FRMD4A: variants seen among roughly 807,000 people sequenced by gnomAD.
FRMD4A encodes FERM domain-containing protein 4A.
FRMD4A carries 29 observed loss-of-function variants against 129.1 expected under a neutral mutation model. That is an observed-to-expected ratio of 0.22 (90% confidence interval 0.17 to 0.31). The LOEUF (loss-of-function observed/expected upper bound fraction) is 0.31, where lower values mean the gene tolerates loss of function less well. Ranked by LOEUF, FRMD4A falls within the 10% of genes least tolerant of loss-of-function variation. The pLI is 1.00. For missense variants in FRMD4A, 1,272 were observed against 1,375.8 expected (o/e 0.92, Z 1.19); for synonymous variants, 634 against 571.6 (o/e 1.11, Z -1.56).
chr10:13,670,419 A>G lies in FRMD4A; in HGVS notation c.1361T>C (p.Leu454Pro). The G allele has an allele frequency of 2.5e-6, 4 of 1,613,336 alleles. No homozygotes were observed. The highest frequency in any genetic ancestry group is 3.4e-6 in the Non-Finnish European group (4 of 1,179,494). ...TAFKLDEQKI[L>P]PKGEEAELER... ...GGAAGGACGCACCTCTCCTTTGGGC[A>G]GGATTTTCTGTTCATCCAGTTTGAA... Residue 454 changes from leucine (L) to proline (P), a missense_variant, in exon 17 of 25, where the codon CTG becomes CCG. Leu to Pro is a moderately conservative substitution (Grantham distance 98). This residue lies in a region of FRMD4A where 972 missense variants were observed against 892.3 expected (regional missense o/e 1.09). Coordinates refer to ENST00000357447, the MANE Select transcript of FRMD4A (RefSeq NM_018027.5).
chr10:13,875,140 C>A (rs895349438), intron 2 of FRMD4A, among the ~76,000 whole-genome samples: 1 of 152,100 alleles, frequency 6.6e-6, no homozygotes, highest in Non-Finnish European at 1.5e-5. Flanking sequence ...TGAAGGACAC[C>A]GTGGCGGATG....
chr10:14,197,087 C>G (rs1335871646), intron 2 of FRMD4A, among the ~76,000 whole-genome samples: 2 of 152,152 alleles, frequency 1.3e-5, no homozygotes, highest in Non-Finnish European at 2.9e-5. Context: ...TAAGCCAGCT[C>G]AGAAAGCTGC....
intron 2 of FRMD4A, among the ~76,000 whole-genome samples, chr10:13,873,586 G>A (rs1379628626): frequency 2.0e-5 from 3 of 152,014 alleles, no homozygotes; most frequent in East Asian, 3.9e-4. Context: ...TCGCTCTTTC[G>A]CCCAGGCTGG....
chr10:13,833,296 G>C (rs980536065), intron 3 of FRMD4A, among the ~76,000 whole-genome samples: 4 of 152,196 alleles, frequency 2.6e-5, no homozygotes, highest in African/African-American at 9.7e-5. Context: ...GCAGGCAAGA[G>C]AGAGCTTGTG....
At chr10:14,118,681 G>A (rs986859169) in intron 2 of FRMD4A, among the ~76,000 whole-genome samples, 6 of 152,252 alleles carry the variant, frequency 3.9e-5, no homozygotes, top group East Asian at 1.9e-4. Context: ...CACAGTGGCC[G>A]GCAAGAGAGC....
intron 4 of FRMD4A, among the ~76,000 whole-genome samples, chr10:13,807,800 CT>C (rs11388392): frequency 0.33 from 46,631 of 142,090 alleles, 7,907 homozygotes; most frequent in Non-Finnish European, 0.42. Flanking sequence ...TTTAGAAATT[CT>C]TTTTTTTTTT....
chr10:14,174,924 C>T (rs538377555), intron 2 of FRMD4A, among the ~76,000 whole-genome samples: 182 of 139,538 alleles, frequency 1.3e-3, no homozygotes, highest in South Asian at 2.2e-3. Context: ...TGTGTGGACG[C>T]GCGCGTACGG....
At chr10:13,851,751 T>C (rs1424449492) in intron 3 of FRMD4A, among the ~76,000 whole-genome samples, 1 of 151,722 alleles carries the variant, frequency 6.6e-6, no homozygotes. Context: ...AATACAAAAA[T>C]TAGTTGGGTG....
intron 2 of FRMD4A, among the ~76,000 whole-genome samples, chr10:14,094,995 C>T (rs1248511982): frequency 6.6e-6 from 1 of 151,992 alleles, no homozygotes; most frequent in Non-Finnish European, 1.5e-5. Context: ...TCCATACATC[C>T]ATATGCATGG....
At chr10:13,844,286 T>G (rs577511432) in intron 3 of FRMD4A, among the ~76,000 whole-genome samples, 1 of 152,256 alleles carries the variant, frequency 6.6e-6, no homozygotes, top group East Asian at 1.9e-4. Flanking sequence ...AATGTTAATC[T>G]CCCAAAGGTG....
intron 3 of FRMD4A, among the ~76,000 whole-genome samples, chr10:13,853,866 G>C (rs1192177184): frequency 6.6e-6 from 1 of 151,688 alleles, no homozygotes; most frequent in Non-Finnish European, 1.5e-5. Context: ...CAAAAAGTGG[G>C]GATGGGGAAG....
At chr10:13,721,190 A>G (rs140040362) in intron 12 of FRMD4A, among the ~76,000 whole-genome samples, 20 of 152,270 alleles carry the variant, frequency 1.3e-4, no homozygotes, top group African/African-American at 3.1e-4. Context: ...TTAAAACTCA[A>G]TGAAACTCTG....
intron 2 of FRMD4A, among the ~76,000 whole-genome samples, chr10:14,095,485 G>A (rs1415884703): frequency 1.3e-5 from 2 of 152,158 alleles, no homozygotes; most frequent in African/African-American, 4.8e-5. Context: ...CTATCCGTGG[G>A]GACATAAGCT....
chr10:13,674,823 T>C, intron 16 of FRMD4A, 88 bp downstream of exon 16: 2 of 1,394,522 alleles, frequency 1.4e-6, no homozygotes, highest in Non-Finnish European at 2.0e-6. Flanking sequence ...ATCAGTCAAA[T>C]GACATCAAAA....
intron 2 of FRMD4A, among the ~76,000 whole-genome samples, chr10:14,151,202 C>T (rs1840322064): frequency 6.6e-6 from 1 of 152,210 alleles, no homozygotes; most frequent in Non-Finnish European, 1.5e-5. Flanking sequence ...CAGAAAGTCA[C>T]ATGCACTCAT....
chr10:13,685,210 G>A (rs141786023), intron 15 of FRMD4A: 1 of 983,672 alleles, frequency 1.0e-6, no homozygotes, highest in Non-Finnish European at 1.2e-6. Flanking sequence ...AAATAAAATA[G>A]TTCATTTCAG....
intron 15 of FRMD4A, among the ~76,000 whole-genome samples, chr10:13,687,579 C>A (rs1013100120): frequency 6.6e-6 from 1 of 152,066 alleles, no homozygotes; most frequent in Non-Finnish European, 1.5e-5. Context: ...TTTAAAAGAC[C>A]CTGAACATGT....
intron 2 of FRMD4A, among the ~76,000 whole-genome samples, chr10:14,070,455 A>G (rs1244248841): frequency 1.3e-5 from 2 of 152,198 alleles, no homozygotes; most frequent in African/African-American, 4.8e-5. Flanking sequence ...CGGTTTAGAA[A>G]GTCAGCCCAT....
chr10:13,866,273 G>A (rs867633881), intron 2 of FRMD4A: 7 of 980,744 alleles, frequency 7.1e-6, no homozygotes, highest in South Asian at 4.7e-5. Flanking sequence ...CTGACAGCAC[G>A]TCTTCCCCGA....
Sources: allele counts gnomAD v4.1 joint callset (sites outside exome capture counted in the v4.1 genomes callset), GRCh38; gene constraint gnomAD v4.1.1; regional missense constraint gnomAD v4.1.1; transcripts MANE v1.5; gene names NCBI Gene and HGNC (gene_info 2026-07-23, HGNC 2026-07-21).